Variants in DLG2 observed in about 807,000 individuals in gnomAD.
DLG2 encodes the protein discs large MAGUK scaffold protein 2, also known as disks large homolog 2.
DLG2 carries 45 observed loss-of-function variants against 132.5 expected under a neutral mutation model. That is an observed-to-expected ratio of 0.34 (90% CI 0.27 to 0.44). DLG2 has a LOEUF of 0.44. Ranked by LOEUF, DLG2 falls within the 20% of genes least tolerant of loss-of-function variation. The probability of loss-of-function intolerance (pLI) is 1.00; values close to 1 mark genes in which losing one functional copy is unlikely to be tolerated. For synonymous variants in DLG2, 424 were observed against 419.6 expected (o/e 1.01, Z -0.13); for missense variants, 1,045 against 1,196.9 (o/e 0.87, Z 1.87).
chr11:83,948,360 T>C (rs1167947503), intron 14 of DLG2, among the ~76,000 whole-genome samples: 1 of 152,126 alleles, frequency 6.6e-6, no homozygotes, highest in Non-Finnish European at 1.5e-5. Context: ...AGCTAAGTTC[T>C]TTCAGCAAAT....
chr11:84,862,002 C>G (rs1008747002), intron 6 of DLG2, among the ~76,000 whole-genome samples: 39 of 126,440 alleles, frequency 3.1e-4, no homozygotes, highest in African/African-American at 1.2e-3. Context: ...CACATGGACA[C>G]AGGAAAGGGA....
chr11:84,346,205 C>T lies in DLG2; in HGVS notation c.520-94914G>A, dbSNP rs57862171. ...ATATAGTGCAAAGTATTCTTTGATA[C>T]TCTCAAATGGATCTGACCATTCCTT... On this transcript the variant is annotated intron_variant, in intron 7 of 27. Transcript: ENST00000376104. Among the ~76,000 whole-genome samples the T allele has an allele frequency of 1.7e-3, 258 of 152,314 alleles. 2 individuals carry two copies. The highest frequency in any genetic ancestry group is 5.6e-3 in the African/African-American group (234 of 41,570).
chr11:83,867,999 G>C (rs2062719891), intron 16 of DLG2, among the ~76,000 whole-genome samples: 1 of 152,138 alleles, frequency 6.6e-6, no homozygotes, highest in Admixed American at 6.6e-5. Context: ...ATGAGGCTAA[G>C]GAAAAGGAGC....
At chr11:83,641,167 C>G (rs924652305) in intron 18 of DLG2, among the ~76,000 whole-genome samples, 5 of 152,176 alleles carry the variant, frequency 3.3e-5, no homozygotes, top group African/African-American at 1.2e-4. Context: ...TCTGATTTCA[C>G]AAGCTGAAAT....
intron 6 of DLG2, among the ~76,000 whole-genome samples, chr11:84,689,828 T>G (rs11234130): frequency 6.6e-6 from 1 of 151,428 alleles, no homozygotes; most frequent in Non-Finnish European, 1.5e-5. Context: ...CACACAAACA[T>G]GCATGCAGAC....
chr11:84,955,579 A>G (rs1283868694), intron 6 of DLG2: 1 of 152,184 alleles, frequency 6.6e-6, no homozygotes, highest in Non-Finnish European at 1.5e-5. Context: ...ACTCTTATTA[A>G]TATGTTTAAT....
At chr11:84,893,652 A>G (rs2089770556) in intron 6 of DLG2, among the ~76,000 whole-genome samples, 1 of 152,174 alleles carries the variant, frequency 6.6e-6, no homozygotes, top group Non-Finnish European at 1.5e-5. Flanking sequence ...AGGATTAAAT[A>G]TATTCAGTGA....
chr11:84,464,491 A>G (rs2099088845), intron 7 of DLG2, among the ~76,000 whole-genome samples: 1 of 151,162 alleles, frequency 6.6e-6, no homozygotes, highest in African/African-American at 2.4e-5. Flanking sequence ...GGACTTTGGC[A>G]TCACATTTAA....
intron 3 of DLG2, among the ~76,000 whole-genome samples, chr11:85,345,951 C>A (rs2082807957): frequency 6.6e-6 from 1 of 151,968 alleles, no homozygotes; most frequent in South Asian, 2.1e-4. Context: ...AGGTCCCTAT[C>A]CAGACCCCAA....
At chr11:84,506,371 G>A (rs1228918995) in intron 7 of DLG2, among the ~76,000 whole-genome samples, 2 of 151,690 alleles carry the variant, frequency 1.3e-5, no homozygotes, top group African/African-American at 4.8e-5. Context: ...CACCGCGCCC[G>A]GCCCTCAGTT....
rs375585285 is a variant in DLG2, at chr11:84,961,587, G to A, written c.357+150074C>T. 1.1e-4 allele frequency among the ~76,000 whole-genome samples: 17 copies of A among 150,310 alleles called. No individual in the cohort carries two copies. In the East Asian group the frequency reaches 3.3e-3, roughly 30 times the overall value. ...GTGTGTATGTGTATGCATGCACTAA[G>A]ATGCTTTGTAAGCACTTGTTTGTTC... On this transcript the variant is annotated intron_variant, in intron 6 of 27. Transcript: ENST00000376104.
intron 7 of DLG2, among the ~76,000 whole-genome samples, chr11:84,331,724 G>A (rs1220934397): frequency 6.6e-6 from 1 of 152,030 alleles, no homozygotes; most frequent in African/African-American, 2.4e-5. Flanking sequence ...ATCTGATAGT[G>A]AGTATTCATT....
chr11:85,172,072 G>A (rs1044896877), intron 4 of DLG2, among the ~76,000 whole-genome samples: 19 of 152,214 alleles, frequency 1.2e-4, no homozygotes, highest in South Asian at 2.1e-4. Context: ...GGGGGGTTCC[G>A]CCCAGTGCAG....
chr11:83,692,445 T>C (rs1040960921), intron 18 of DLG2, among the ~76,000 whole-genome samples: 5 of 152,138 alleles, frequency 3.3e-5, no homozygotes, highest in African/African-American at 9.7e-5. Context: ...CAAATCCATA[T>C]AGATGGAAAA....
At chr11:84,843,139 A>G (rs2080921828) in intron 6 of DLG2, among the ~76,000 whole-genome samples, 1 of 152,052 alleles carries the variant, frequency 6.6e-6, no homozygotes, top group African/African-American at 2.4e-5. Context: ...AAAGAGGGAT[A>G]GCAGTGCAAA....
At chr11:85,002,158 G>A (rs2058275208) in intron 6 of DLG2, among the ~76,000 whole-genome samples, 3 of 152,030 alleles carry the variant, frequency 2.0e-5, no homozygotes, top group Admixed American at 6.6e-5. Context: ...ATACACAGGT[G>A]TGATTTTTTT....
intron 6 of DLG2, among the ~76,000 whole-genome samples, chr11:85,025,567 T>C (rs1016960224): frequency 3.3e-5 from 5 of 152,204 alleles, no homozygotes; most frequent in Middle Eastern, 3.2e-3. Context: ...GATTACTTAA[T>C]ATAATTAAAA....
intron 9 of DLG2, among the ~76,000 whole-genome samples, chr11:84,122,019 A>G (rs1234362461): frequency 2.0e-5 from 3 of 151,906 alleles, no homozygotes; most frequent in Non-Finnish European, 4.4e-5. Flanking sequence ...TAAAACAATC[A>G]GTGGTGAAAA....
At chr11:83,914,669 G>T (rs1208503661) in intron 15 of DLG2, among the ~76,000 whole-genome samples, 1 of 152,168 alleles carries the variant, frequency 6.6e-6, no homozygotes, top group Non-Finnish European at 1.5e-5. Context: ...TACACGGCTA[G>T]TGAGTAGAGC....
Sources: gnomAD v4.1 joint callset for allele counts (sites outside exome capture counted in the v4.1 genomes callset) on GRCh38, gnomAD v4.1.1 for gene constraint, MANE v1.5 for transcripts, NCBI Gene and HGNC (gene_info 2026-07-23, HGNC 2026-07-21) for gene names.